The following RHOBTB1 variants were observed in gnomAD, a reference collection of about 807,000 sequenced individuals.
The protein encoded by RHOBTB1 is rho-related BTB domain-containing protein 1.
A neutral mutation model predicts 71.6 loss-of-function variants in RHOBTB1; 40 were observed. The ratio of observed to expected loss-of-function variants is 0.56; its 90% CI spans 0.43 to 0.73. The LOEUF (loss-of-function observed/expected upper bound fraction) is 0.73, where lower values mean the gene tolerates loss of function less well. RHOBTB1 is among the 30% of genes least tolerant of loss of function. RHOBTB1 has a pLI of 0.00. For synonymous variants in RHOBTB1, 319 were observed against 334.9 expected (o/e 0.95, Z 0.52); for missense variants, 797 against 894.0 (o/e 0.89, Z 1.38).
the RHOBTB1 span, among the ~76,000 whole-genome samples, chr10:60,863,501 C>T: frequency 6.6e-6 from 1 of 151,976 alleles, no homozygotes; most frequent in African/African-American, 2.4e-5. Flanking sequence ...GGTTAATGCA[C>T]AGATCAATCT....
At chr10:60,903,661 GGCCCCTGGGTC>G (rs2082518954) in intron 4 of RHOBTB1, among the ~76,000 whole-genome samples, 3 of 44,450 alleles carry the variant, frequency 6.7e-5, no homozygotes, top group Non-Finnish European at 1.3e-4. Context: ...CTGAGAAACA[GGCCCCTGGGTC>G]AGACTATGGG....
At chr10:60,904,635 G>A (rs1249434809) in intron 4 of RHOBTB1, among the ~76,000 whole-genome samples, 1 of 152,110 alleles carries the variant, frequency 6.6e-6, no homozygotes, top group African/African-American at 2.4e-5. Context: ...ATTCCAGGAC[G>A]GTGTTTACCA....
chr10:60,945,161 T>C (rs2085171314), upstream of RHOBTB1, among the ~76,000 whole-genome samples: 1 of 152,208 alleles, frequency 6.6e-6, no homozygotes, highest in African/African-American at 2.4e-5. Flanking sequence ...GTGCCTGCCA[T>C]CAGGGAGCTT....
At position 60,965,467 on chromosome 10, in the gene RHOBTB1, G is replaced by T. The variant is rs7916014; in HGVS notation, c.-62+20378C>A. ...AAACTCAAGTGTGTTTGTATTGTTGGTATCATGATTCTTCCCTATTTGTGT... is the reference window on the plus strand; with the variant it reads ...AAACTCAAGTGTGTTTGTATTGTTGTTATCATGATTCTTCCCTATTTGTGT... On this transcript the variant is annotated intron_variant, in intron 2 of 11. Transcript: ENST00000357917. Among the ~76,000 whole-genome samples, 23 of 151,850 alleles carry T rather than the reference G, an allele frequency of 1.5e-4. No homozygotes were observed. The East Asian group carries it at 4.5e-3, about 30-fold the overall frequency.
intron 7 of RHOBTB1, among the ~76,000 whole-genome samples, chr10:60,884,415 A>G (rs577810459): frequency 6.6e-6 from 1 of 152,368 alleles, no homozygotes; most frequent in South Asian, 2.1e-4. Context: ...TTTTTAAAAA[A>G]GATGTTAAAA....
At chr10:60,889,850 T>C (rs2081827265) in intron 5 of RHOBTB1, among the ~76,000 whole-genome samples, 1 of 152,240 alleles carries the variant, frequency 6.6e-6, no homozygotes, top group African/African-American at 2.4e-5. Context: ...ATGCTAAGCA[T>C]AGTATTTTGT....
At chr10:60,879,463 A>G (rs2081207144) in intron 7 of RHOBTB1, among the ~76,000 whole-genome samples, 2 of 151,926 alleles carry the variant, frequency 1.3e-5, no homozygotes, top group South Asian at 4.1e-4. Context: ...CCTCCCTAGT[A>G]GCTGGGACTA....
intron 2 of RHOBTB1, among the ~76,000 whole-genome samples, chr10:60,956,659 G>A (rs972101350): frequency 6.6e-6 from 1 of 150,514 alleles, no homozygotes; most frequent in African/African-American, 2.4e-5. Context: ...TTACTTTTTA[G>A]ACTTTTTTTT....
intron 4 of RHOBTB1, among the ~76,000 whole-genome samples, chr10:60,901,503 A>G (rs1308007480): frequency 6.6e-6 from 1 of 152,224 alleles, no homozygotes; most frequent in Non-Finnish European, 1.5e-5. Flanking sequence ...TTGGATTACC[A>G]GCTGTGTCCT....
chr10:60,997,924 T>C (rs939938575), intron 1 of RHOBTB1, among the ~76,000 whole-genome samples: 1 of 152,204 alleles, frequency 6.6e-6, no homozygotes, highest in Non-Finnish European at 1.5e-5. Context: ...AGAATGCTGT[T>C]TATAAGTCAG....
At chr10:60,872,582 C>T (rs1289676045) in intron 9 of RHOBTB1, among the ~76,000 whole-genome samples, 1 of 151,730 alleles carries the variant, frequency 6.6e-6, no homozygotes, top group Non-Finnish European at 1.5e-5. Context: ...CCACCTGGCC[C>T]TCTAGTGCTA....
At chr10:60,890,245 C>A (rs181936279) in intron 5 of RHOBTB1, among the ~76,000 whole-genome samples, 1 of 151,986 alleles carries the variant, frequency 6.6e-6, no homozygotes, top group Non-Finnish European at 1.5e-5. Context: ...CTTCTTCAAG[C>A]CTTCTTTTGC....
chr10:60,966,661 T>C (rs979703868), intron 2 of RHOBTB1, among the ~76,000 whole-genome samples: 4 of 143,796 alleles, frequency 2.8e-5, no homozygotes, highest in Admixed American at 2.7e-4. Flanking sequence ...GAGAAACTTC[T>C]TTTTTTTTTG....
intron 4 of RHOBTB1, 125 bp downstream of exon 4, chr10:60,910,762 A>G: frequency 1.6e-6 from 1 of 616,928 alleles, no homozygotes; most frequent in Non-Finnish European, 2.8e-6. Flanking sequence ...TTTCTTAGAC[A>G]CAGTGCAGAA....
At chr10:60,923,361 G>T (rs981438996) in intron 2 of RHOBTB1, among the ~76,000 whole-genome samples, 1 of 152,190 alleles carries the variant, frequency 6.6e-6, no homozygotes, top group African/African-American at 2.4e-5. Flanking sequence ...AATAGCAGAT[G>T]AAATTATAAG....
intron 2 of RHOBTB1, among the ~76,000 whole-genome samples, chr10:60,954,061 T>C (rs1271760092): frequency 6.6e-6 from 1 of 152,078 alleles, no homozygotes; most frequent in East Asian, 1.9e-4. Context: ...TAAAAGTGTA[T>C]GTGTGTGTGT....
intron 2 of RHOBTB1, among the ~76,000 whole-genome samples, chr10:60,978,507 G>A (rs74868809): frequency 2.6e-5 from 4 of 152,080 alleles, no homozygotes. Flanking sequence ...TTGGGAGAGA[G>A]AGTGGGTATG....
intron 6 of RHOBTB1, 72 bp downstream of exon 6, chr10:60,888,140 T>C: frequency 2.0e-6 from 3 of 1,505,292 alleles, no homozygotes; most frequent in Non-Finnish European, 2.7e-6. Flanking sequence ...TTCTTTCTCC[T>C]GCTCATGTCT....
intron 2 of RHOBTB1, among the ~76,000 whole-genome samples, chr10:60,939,636 C>A (rs1275788436): frequency 6.6e-6 from 1 of 152,078 alleles, no homozygotes; most frequent in Admixed American, 6.5e-5. Context: ...AAAAGAGGAA[C>A]AAAAGAACCA....
Sources: gnomAD v4.1 joint callset for allele counts (sites outside exome capture counted in the v4.1 genomes callset) on GRCh38, gnomAD v4.1.1 for gene constraint, MANE v1.5 for transcripts, NCBI Gene and HGNC (gene_info 2026-07-23, HGNC 2026-07-21) for gene names.